OSBPL1A: variants seen among roughly 807,000 people sequenced by gnomAD.
OSBPL1A encodes oxysterol binding protein like 1A.
Under a neutral mutation model 137.1 loss-of-function variants are expected in OSBPL1A, and 80 were observed. The observed-to-expected ratio is 0.58, with a 90% CI of 0.49 to 0.70. The LOEUF (loss-of-function observed/expected upper bound fraction) is 0.70. Among genes scored for constraint, OSBPL1A ranks in the 30% least tolerant of loss-of-function variants. The pLI, the probability that OSBPL1A is intolerant of heterozygous loss-of-function variation, is 0.00. For missense variants in OSBPL1A, 970 were observed against 1,129.4 expected, an observed-to-expected ratio of 0.86 and a Z score of 2.02; for synonymous variants, 365 against 389.7, an observed-to-expected ratio of 0.94 and a Z score of 0.75.
chr18:24,269,059 C>T (rs553442510), intron 15 of OSBPL1A, among the ~76,000 whole-genome samples: 4 of 152,266 alleles, frequency 2.6e-5, no homozygotes, highest in African/African-American at 9.6e-5. Flanking sequence ...CTATTCATGC[C>T]GTTTGTTTCT....
intron 21 of OSBPL1A, among the ~76,000 whole-genome samples, chr18:24,174,497 C>A (rs772397880): frequency 2.6e-5 from 4 of 152,092 alleles, no homozygotes; most frequent in Non-Finnish European, 4.4e-5. Context: ...AGATGCTAAA[C>A]CAGTAGGTAT....
chr18:24,170,636 A>G, intron 23 of OSBPL1A, 183 bp from the exon 24 acceptor site: 1 of 601,088 alleles, frequency 1.7e-6, no homozygotes, highest in Non-Finnish European at 2.9e-6. Context: ...TTTTGCTGCA[A>G]TTGAATATTA....
At chr18:24,272,999 G>C (rs2089758532) in intron 15 of OSBPL1A, among the ~76,000 whole-genome samples, 1 of 152,144 alleles carries the variant, frequency 6.6e-6, no homozygotes, top group Non-Finnish European at 1.5e-5. Context: ...TCCACCTCCT[G>C]GGTTCAAGTG....
chr18:24,261,965 TGC>T (rs2089454136), intron 15 of OSBPL1A, among the ~76,000 whole-genome samples: 1 of 152,242 alleles, frequency 6.6e-6, no homozygotes. Context: ...TATTTGTGTT[TGC>T]ACACTCATGT....
chr18:24,330,853 G>A (rs1395064562), intron 7 of OSBPL1A, among the ~76,000 whole-genome samples: 2 of 151,942 alleles, frequency 1.3e-5, no homozygotes, highest in African/African-American at 4.8e-5. Context: ...GGAGTGCAAT[G>A]GCATGATCTC....
intron 15 of OSBPL1A, among the ~76,000 whole-genome samples, chr18:24,254,215 C>T (rs1297087900): frequency 6.6e-6 from 1 of 152,168 alleles, no homozygotes; most frequent in Non-Finnish European, 1.5e-5. Context: ...ATTATTAGAG[C>T]TAAAGATAGA....
chr18:24,389,583 G>C (rs1486925427), intron 1 of OSBPL1A, among the ~76,000 whole-genome samples: 1 of 152,064 alleles, frequency 6.6e-6, no homozygotes. Context: ...TGTTAAATTT[G>C]GTTGGAGTCT....
chr18:24,195,757 T>C (rs2087012381), intron 18 of OSBPL1A, among the ~76,000 whole-genome samples: 1 of 152,180 alleles, frequency 6.6e-6, no homozygotes, highest in South Asian at 2.1e-4. Flanking sequence ...AAATTCCAAA[T>C]ACGAAAACTT....
rs755993379 is a variant in OSBPL1A at position 24,225,162 on chromosome 18, G to T, written c.1481C>A (p.Ala494Glu). ...ESERSLSRLE[A>E]VTARSFEEEG... ...CTCTTCAAAGGAGCGTGCTGTCACT[G>T]CTTCCAATCTACTCAGGGACCTTTC... The change falls in exon 17 of 28, where the codon GCA becomes GAA. Residue 494 changes from alanine to glutamate, a missense_variant. Transcript: ENST00000319481. 10 of 1,614,116 alleles carry T rather than the reference G, an allele frequency of 6.2e-6. No homozygotes were observed. The highest frequency in any genetic ancestry group is 8.5e-6 in the Non-Finnish European group (10 of 1,179,994).
At chr18:24,175,139 C>CGTATATATAT (rs1567920404) in intron 21 of OSBPL1A, among the ~76,000 whole-genome samples, 3 of 119,834 alleles carry the variant, frequency 2.5e-5, no homozygotes, top group African/African-American at 1.3e-4. Context: ...TATATATACA[C>CGTATATATAT]ATATATATAT....
At chr18:24,206,317 C>G (rs1347562711) in intron 17 of OSBPL1A, among the ~76,000 whole-genome samples, 1 of 152,176 alleles carries the variant, frequency 6.6e-6, no homozygotes, top group Non-Finnish European at 1.5e-5. Flanking sequence ...GGTTAGGAGG[C>G]TGCAGAATGC....
Position 24,315,823 on chromosome 18 carries a change from T to A in OSBPL1A, c.870+1326A>T, listed in dbSNP as rs1305980877. Among the ~76,000 whole-genome samples, 31 of 114,026 alleles carry A rather than the reference T, an allele frequency of 2.7e-4. No individual in the cohort carries two copies. In the East Asian group the frequency reaches 5.8e-3, roughly 21 times the overall value. 74.8% of individuals were successfully genotyped at this position (114,026 alleles called of 152,430 possible). ...AGTATATATTATATAATAAAATATA[T>A]AATATATAGTATATATTATATAATA... On this transcript the variant is annotated intron_variant, in intron 11 of 27. Coordinates refer to ENST00000319481, the MANE Select transcript of OSBPL1A (RefSeq NM_080597.4).
Position 24,318,783 on chromosome 18 carries a change from C to A in OSBPL1A, c.652G>T (p.Gly218Cys), listed in dbSNP as rs77232958. The change falls in exon 8 of 28, where the codon GGT becomes TGT. Residue 218 changes from glycine to cysteine, a missense_variant. Physicochemically the swap from Gly to Cys is radical, Grantham distance 159 (BLOSUM62 -3). Around this residue, in one of 2 missense-constraint regions of OSBPL1A, gnomAD observed 647 missense variants for 672.6 expected, o/e 0.96. Transcript: ENST00000319481. ...ACAAGAATGTGTTTCATTTCAGCAC[C>A]CTGGGCAAGGTCAAGAGGTTTCTGA... Reference protein sequence around the residue: ...NDQKPLDLAQGAEMKHILVGN... With the variant: ...NDQKPLDLAQCAEMKHILVGN... The A allele has an allele frequency of 6.2e-7, 1 of 1,613,344 alleles. No individual in the cohort carries two copies. The highest frequency in any genetic ancestry group is 8.5e-7 in the Non-Finnish European group (1 of 1,179,934).
chr18:24,318,549 A>G, intron 9 of OSBPL1A, 52 bp downstream of exon 9: 1 of 1,412,000 alleles, frequency 7.1e-7, no homozygotes, highest in Non-Finnish European at 9.8e-7. Flanking sequence ...GAAATAGAGC[A>G]CCTGAGAATT....
At chr18:24,385,347 C>T (rs914091074) in intron 1 of OSBPL1A, among the ~76,000 whole-genome samples, 1 of 152,114 alleles carries the variant, frequency 6.6e-6, no homozygotes, top group East Asian at 1.9e-4. Context: ...GCTATAATTG[C>T]ACCACTATAT....
intron 16 of OSBPL1A, among the ~76,000 whole-genome samples, chr18:24,235,395 A>AATTC (rs2088435388): frequency 7.2e-6 from 1 of 138,378 alleles, no homozygotes; most frequent in Non-Finnish European, 1.6e-5. Flanking sequence ...GAGGAAAGTG[A>AATTC]AGTAACTTTC....
chr18:24,171,388 C>A, intron 23 of OSBPL1A, 21 bp downstream of exon 23: 1 of 1,561,664 alleles, frequency 6.4e-7, no homozygotes, highest in Non-Finnish European at 8.8e-7. Context: ...TACTATTCAA[C>A]ATTTAAAAGA....
At chr18:24,181,786 TAC>T (rs2086611587) in intron 18 of OSBPL1A, among the ~76,000 whole-genome samples, 1 of 152,172 alleles carries the variant, frequency 6.6e-6, no homozygotes, top group East Asian at 1.9e-4. Context: ...CTAGGAATGT[TAC>T]ACTTTCCCCA....
At chr18:24,324,235 C>T (rs1168215003) in intron 7 of OSBPL1A, among the ~76,000 whole-genome samples, 1 of 63,576 alleles carries the variant, frequency 1.6e-5, no homozygotes, top group Non-Finnish European at 3.2e-5. Context: ...AAAAAAAAAG[C>T]TTCACCCTGC....
Sources: gnomAD v4.1 joint callset for allele counts (sites outside exome capture counted in the v4.1 genomes callset) on GRCh38, gnomAD v4.1.1 for gene constraint, gnomAD v4.1.1 regional missense constraint, MANE v1.5 for transcripts, NCBI Gene and HGNC (gene_info 2026-07-23, HGNC 2026-07-21) for gene names.